The following TMIGD3 variants were observed in gnomAD, a reference collection of about 807,000 sequenced individuals.
The protein encoded by TMIGD3 is AD026 protein (AD026).
In TMIGD3, 21 loss-of-function variants were observed where a neutral mutation model predicts 28.1. The observed-to-expected ratio is 0.75, with a 90% CI of 0.53 to 1.08. The LOEUF is 1.08. Ranked by LOEUF, TMIGD3 falls within the 50% of genes least tolerant of loss-of-function variation. The pLI is 0.00. For missense variants in TMIGD3, 416 were observed against 435.6 expected (o/e 0.96, Z 0.40); for synonymous variants, 151 against 162.1 (o/e 0.93, Z 0.52).
intron 1 of TMIGD3, among the ~76,000 whole-genome samples, chr1:111,560,140 A>G (rs1321782594): frequency 1.3e-5 from 2 of 152,218 alleles, no homozygotes; most frequent in Non-Finnish European, 2.9e-5. Context: ...GAGGCTGACA[A>G]AATTGTCTAG....
chr1:111,520,052 A>G (rs896133632), intron 1 of TMIGD3, among the ~76,000 whole-genome samples: 6 of 152,168 alleles, frequency 3.9e-5, no homozygotes, highest in African/African-American at 1.4e-4. Flanking sequence ...CACTGTTAAT[A>G]TACTGTACAT....
chr1:111,538,590 C>T (rs890756707), intron 1 of TMIGD3, among the ~76,000 whole-genome samples: 1 of 152,146 alleles, frequency 6.6e-6, no homozygotes, highest in African/African-American at 2.4e-5. Context: ...GGAACCAAGC[C>T]CACTGAGTCT....
At chr1:111,549,582 G>A (rs374105460) in intron 1 of TMIGD3, among the ~76,000 whole-genome samples, 117 of 151,428 alleles carry the variant, frequency 7.7e-4, no homozygotes, top group African/African-American at 2.5e-3. Context: ...CTGAGGAGGC[G>A]GAGGTTGTGG....
At chr1:111,551,325 G>A (rs764603961) in intron 1 of TMIGD3, among the ~76,000 whole-genome samples, 3 of 151,940 alleles carry the variant, frequency 2.0e-5, no homozygotes, top group African/African-American at 4.8e-5. Flanking sequence ...CAGTTCCTCC[G>A]TTACTAGTTT....
At chr1:111,543,700 A>C (rs1433879248) in intron 1 of TMIGD3, among the ~76,000 whole-genome samples, 4 of 151,820 alleles carry the variant, frequency 2.6e-5, no homozygotes, top group African/African-American at 7.3e-5. Flanking sequence ...GGGGAGAGGG[A>C]GGGAGAAGAG....
At chr1:111,505,505 T>C (rs1655455928), upstream of TMIGD3, among the ~76,000 whole-genome samples, 1 of 152,190 alleles carries the variant, frequency 6.6e-6, no homozygotes, top group South Asian at 2.1e-4. Flanking sequence ...ACAAGGTCCA[T>C]CAGTGCTGGG....
At chr1:111,488,597 G>GGCT in intron 3 of TMIGD3, 80 bp downstream of exon 3, 1 of 1,333,882 alleles carries the variant, frequency 7.5e-7, no homozygotes, top group Non-Finnish European at 1.0e-6. Flanking sequence ...GGGGCTCACT[G>GGCT]GCTTCAGAGA....
chr1:111,536,919 T>C (rs1656659380), intron 1 of TMIGD3, among the ~76,000 whole-genome samples: 1 of 152,160 alleles, frequency 6.6e-6, no homozygotes, highest in South Asian at 2.1e-4. Flanking sequence ...CTGTCTCCAG[T>C]ACATTATGTC....
intron 1 of TMIGD3, among the ~76,000 whole-genome samples, chr1:111,552,384 A>G (rs1489435261): frequency 6.6e-6 from 1 of 152,232 alleles, no homozygotes; most frequent in Non-Finnish European, 1.5e-5. Context: ...ATGAAGACTC[A>G]GCTATTTTTC....
upstream of TMIGD3, among the ~76,000 whole-genome samples, chr1:111,506,962 TATACAC>T (rs1411410279): frequency 6.8e-5 from 10 of 146,750 alleles, no homozygotes; most frequent in Non-Finnish European, 1.3e-4. Context: ...CACATATATA[TATACAC>T]ACACACACAT....
chr1:111,536,167 T>C (rs1276247548), intron 1 of TMIGD3, among the ~76,000 whole-genome samples: 1 of 152,154 alleles, frequency 6.6e-6, no homozygotes, highest in African/African-American at 2.4e-5. Context: ...GCCTCATACA[T>C]TCGTTTTCTC....
intron 1 of TMIGD3, among the ~76,000 whole-genome samples, chr1:111,534,682 A>G (rs1022212646): frequency 2.6e-5 from 4 of 152,108 alleles, no homozygotes; most frequent in African/African-American, 9.7e-5. Context: ...GCAGGAAAGG[A>G]GCCTCTGGGA....
chr1:111,525,683 T>C (rs12090306), intron 1 of TMIGD3, among the ~76,000 whole-genome samples: 130 of 152,266 alleles, frequency 8.5e-4, no homozygotes, highest in African/African-American at 2.7e-3. Flanking sequence ...GCCAACATAG[T>C]GAAACCCTGT....
intron 3 of TMIGD3, among the ~76,000 whole-genome samples, chr1:111,487,898 G>A (rs1390099255): frequency 6.6e-6 from 1 of 151,974 alleles, no homozygotes; most frequent in African/African-American, 2.4e-5. Flanking sequence ...CAACCTCCCT[G>A]GACTCAGATG....
At chr1:111,500,289 G>C (rs763516636) in intron 1 of TMIGD3, 1 of 1,614,126 alleles carries the variant, frequency 6.2e-7, no homozygotes, top group African/African-American at 1.3e-5. Context: ...GACTGAGTTT[G>C]TTCCGAATGA....
rs1045411552 is a variant in TMIGD3 at position 111,528,240 on chromosome 1, C to T, written c.107+35606G>A. Among the ~76,000 whole-genome samples the T allele has an allele frequency of 2.6e-4, 40 of 152,266 alleles. 1 individual carries two copies. The highest frequency in any genetic ancestry group is 9.6e-4 in the African/African-American group (40 of 41,568). On this transcript the variant is annotated intron_variant, in intron 1 of 5. Coordinates refer to the TMIGD3 transcript ENST00000369717. ...TTATTGCATGTGGATGTCATTTGCT[C>T]ATCATCACTGGTTGAAAATACTATC... is the stretch of plus-strand genomic sequence containing the variant.
intron 1 of TMIGD3, among the ~76,000 whole-genome samples, chr1:111,541,019 A>C (rs1656804563): frequency 6.6e-6 from 1 of 152,212 alleles, no homozygotes; most frequent in Non-Finnish European, 1.5e-5. Flanking sequence ...GAAGCCACAT[A>C]GTCTCTGCTG....
chr1:111,518,731 T>C (rs1045201621), intron 1 of TMIGD3, among the ~76,000 whole-genome samples: 1 of 152,214 alleles, frequency 6.6e-6, no homozygotes, highest in Non-Finnish European at 1.5e-5. Flanking sequence ...AGGTGTGAAC[T>C]AGATACTGAA....
Position 111,503,404 on chromosome 1 carries a change from C to T in TMIGD3, c.-50G>A, listed in dbSNP as rs745379139. On this transcript the variant is annotated 5_prime_UTR_variant, in exon 1 of 6. Transcript: ENST00000369716. ...CAGGGACAGGTGAGCCAGCAAGATC[C>T]GTCTGTAGGGCCAGTGGGCCTAGCT... 21 of 1,551,356 alleles carry T rather than the reference C, an allele frequency of 1.4e-5. 1 individual carries two copies. In the South Asian group the frequency reaches 1.5e-4, roughly 11 times the overall value.
Sources: gnomAD v4.1 joint callset for allele counts (sites outside exome capture counted in the v4.1 genomes callset) on GRCh38, gnomAD v4.1.1 for gene constraint, MANE v1.5 for transcripts, NCBI Gene and HGNC (gene_info 2026-07-23, HGNC 2026-07-21) for gene names.